The following ZNF516 variants were observed in gnomAD, a reference collection of about 807,000 sequenced individuals.
ZNF516 encodes zinc finger protein 516.
Under a neutral mutation model 79.7 loss-of-function variants are expected in ZNF516, and 19 were observed. That is an observed-to-expected ratio of 0.24 (90% CI 0.17 to 0.35). The LOEUF is 0.35. Ranked by LOEUF, ZNF516 falls within the 10% of genes least tolerant of loss-of-function variation. The pLI is 1.00. For missense variants in ZNF516, 1,678 were observed against 1,679.5 expected (o/e 1.00, Z 0.02); for synonymous variants, 877 against 739.5 (o/e 1.19, Z -3.02).
intron 1 of ZNF516, among the ~76,000 whole-genome samples, chr18:76,473,529 C>T (rs7244423): frequency 0.023 from 3,528 of 152,138 alleles, 75 homozygotes; most frequent in African/African-American, 0.043. Flanking sequence ...TGGCTGGGTG[C>T]GGTGGCTCAC....
chr18:76,463,838 CA>C (rs1257186721), intron 1 of ZNF516, among the ~76,000 whole-genome samples: 3 of 152,220 alleles, frequency 2.0e-5, no homozygotes, highest in Non-Finnish European at 2.9e-5. Context: ...CAGACACTAG[CA>C]AAGTATTCAT....
intron 3 of ZNF516, among the ~76,000 whole-genome samples, chr18:76,401,615 G>C (rs1177944184): frequency 6.6e-6 from 1 of 151,468 alleles, no homozygotes; most frequent in Non-Finnish European, 1.5e-5. Flanking sequence ...GCCCGCATGG[G>C]CCCCTATGTG....
intron 3 of ZNF516, among the ~76,000 whole-genome samples, chr18:76,380,848 C>T (rs971651222): frequency 8.5e-5 from 13 of 152,324 alleles, no homozygotes; most frequent in African/African-American, 1.9e-4. Context: ...GACCACCTTC[C>T]GCCTCAGCCA....
At chr18:76,413,719 T>C (rs946415435) in intron 3 of ZNF516, among the ~76,000 whole-genome samples, 1 of 152,150 alleles carries the variant, frequency 6.6e-6, no homozygotes, top group African/African-American at 2.4e-5. Context: ...TAACCCACTT[T>C]GGGCAGGGGT....
Position 76,473,642 on chromosome 18 carries a change from A to C in ZNF516, c.-271-10501T>G, listed in dbSNP as rs1325124843. 3.3e-5 allele frequency among the ~76,000 whole-genome samples: 5 copies of C among 151,994 alleles called. No homozygotes were observed. The East Asian group carries it at 9.6e-4, about 29-fold the overall frequency. On this transcript the variant is annotated intron_variant, in intron 1 of 6. Transcript: ENST00000443185. The stretch of plus-strand genomic sequence containing the variant: ...CGGTGAAACCCTGTCTCTACTAAAA[A>C]TACAAAAAATTATCCAGGCTTGGTG...
chr18:76,442,708 C>A lies in ZNF516; in HGVS notation c.347G>T (p.Ser116Ile). The A allele has an allele frequency of 6.3e-7, 1 of 1,581,388 alleles. No homozygotes were observed. Among genetic ancestry groups the A allele is most frequent in the Non-Finnish European group, 8.6e-7 (1 of 1,164,932 alleles). Reference sequence around the variant, plus strand: ...GCAGGCCGAGGCGCTCTTGGTGGGGCTGGCGCAGGCGTCCAGGCCCTCGGA... The same window carrying A: ...GCAGGCCGAGGCGCTCTTGGTGGGGATGGCGCAGGCGTCCAGGCCCTCGGA... The part of the protein sequence containing the change: ...RASEGLDACA[S>I]PTKSASACNR... Residue 116 changes from serine (S) to isoleucine (I), a missense_variant, in exon 3 of 7, where the codon AGC (serine) becomes ATC (isoleucine). Physicochemically the swap from Ser to Ile is moderately radical, Grantham distance 142. Coordinates refer to ENST00000443185, the MANE Select transcript of ZNF516 (RefSeq NM_014643.4).
In ZNF516 at chr18:76,493,198, G is replaced by A. The variant is rs1189365675; in HGVS notation, c.-272+1946C>T. 7 of 982,130 alleles carry A rather than the reference G, an allele frequency of 7.1e-6. No individual in the cohort carries two copies. The East Asian group carries it at 7.9e-4, about 112-fold the overall frequency. The allele number at this position is 982,130 out of a possible 1,614,324, so 60.8% of individuals were successfully genotyped here. A position where few individuals can be genotyped will look rare whatever the true frequency, so the allele number is the denominator to read the frequency against. ...TCTGCGCAGAGTTTGCCTTCTTTAA[G>A]GAGGGAGGCGTCAGACGATATCCAT... is the stretch of plus-strand genomic sequence containing the variant. On this transcript the variant is annotated intron_variant, in intron 1 of 6. Coordinates refer to ENST00000443185, the MANE Select transcript of ZNF516 (RefSeq NM_014643.4). This position sits in a 1 kb window ranked among gnomAD's most constrained non-coding sequence, Gnocchi z 5.2.
At chr18:76,452,551 ATG>A (rs1304015856) in intron 2 of ZNF516, among the ~76,000 whole-genome samples, 2 of 152,200 alleles carry the variant, frequency 1.3e-5, no homozygotes, top group Non-Finnish European at 2.9e-5. Context: ...TATGACCTAA[ATG>A]TTATTCTTCC....
chr18:76,373,678 G>A (rs603254), intron 4 of ZNF516, among the ~76,000 whole-genome samples: 10,063 of 152,244 alleles, frequency 0.066, 745 homozygotes, highest in African/African-American at 0.19. Flanking sequence ...CCACTCATCC[G>A]TGCTTATTTC....
intron 3 of ZNF516, among the ~76,000 whole-genome samples, chr18:76,409,930 T>G (rs1305590111): frequency 7.9e-5 from 12 of 152,178 alleles, no homozygotes; most frequent in Admixed American, 5.9e-4. Flanking sequence ...TGGGGGCAGT[T>G]TCCCCCACAC....
At chr18:76,376,925 C>A (rs1165724974) in intron 4 of ZNF516, among the ~76,000 whole-genome samples, 2 of 152,210 alleles carry the variant, frequency 1.3e-5, no homozygotes, top group East Asian at 1.9e-4. Context: ...GCATCCACAA[C>A]AGCACAGACC....
intron 1 of ZNF516, among the ~76,000 whole-genome samples, chr18:76,471,228 G>T (rs1298969966): frequency 6.6e-6 from 1 of 151,102 alleles, no homozygotes. Flanking sequence ...CATACTTACT[G>T]AGCAAACCCT....
At position 76,371,454 on chromosome 18, in the gene ZNF516, G is replaced by A. The variant is rs369620743; in HGVS notation, c.3364+13C>T. 98 of 1,600,236 alleles carry A rather than the reference G, an allele frequency of 6.1e-5. No individual in the cohort carries two copies. The highest frequency in any genetic ancestry group is 2.4e-4 in the African/African-American group (18 of 74,986). Reference sequence around the variant, plus strand: ...CTGCTCCCCTTGGGGATAGCTGGGCGGGAGGGCGATACCTGAGTGTGCCCG... The same window carrying A: ...CTGCTCCCCTTGGGGATAGCTGGGCAGGAGGGCGATACCTGAGTGTGCCCG... On this transcript the variant is annotated intron_variant, in intron 5 of 6. Coordinates refer to ENST00000443185, the MANE Select transcript of ZNF516 (RefSeq NM_014643.4).
intron 1 of ZNF516, chr18:76,492,202 G>A (rs1915270609): frequency 3.0e-6 from 3 of 985,322 alleles, no homozygotes; most frequent in Non-Finnish European, 3.6e-6. Context: ...CGGTGCTCCC[G>A]GAAGACACCG....
At chr18:76,488,215 C>G in intron 1 of ZNF516, 3 of 985,410 alleles carry the variant, frequency 3.0e-6, no homozygotes, top group African/African-American at 1.7e-5. Context: ...CAGCTCCCAA[C>G]AACAGAGTAG....
intron 3 of ZNF516, among the ~76,000 whole-genome samples, chr18:76,431,651 G>GC (rs1196202449): frequency 6.6e-6 from 1 of 152,156 alleles, no homozygotes; most frequent in African/African-American, 2.4e-5. Flanking sequence ...CTGAGTTCAC[G>GC]CGAGATCTGG....
intron 6 of ZNF516, among the ~76,000 whole-genome samples, chr18:76,365,204 C>T (rs914887268): frequency 6.6e-5 from 10 of 152,118 alleles, no homozygotes; most frequent in African/African-American, 2.2e-4. Context: ...CCAGCTTAAC[C>T]ATTTTAAAAT....
chr18:76,454,145 T>G (rs1568307374), intron 2 of ZNF516, among the ~76,000 whole-genome samples: 1 of 152,234 alleles, frequency 6.6e-6, no homozygotes, highest in African/African-American at 2.4e-5. Context: ...GGCATTCTGT[T>G]AAACATTACC....
At chr18:76,444,351 G>C (rs1911912569) in intron 2 of ZNF516, among the ~76,000 whole-genome samples, 1 of 152,174 alleles carries the variant, frequency 6.6e-6, no homozygotes, top group Non-Finnish European at 1.5e-5. Flanking sequence ...CTCCCTTCTG[G>C]GGCCGGCTCC....
Sources: gnomAD v4.1 joint callset for allele counts (sites outside exome capture counted in the v4.1 genomes callset) on GRCh38, gnomAD v4.1.1 for gene constraint, Gnocchi (gnomAD v3.1) non-coding constraint, MANE v1.5 for transcripts, NCBI Gene and HGNC (gene_info 2026-07-23, HGNC 2026-07-21) for gene names.